Variants in DPYD observed in about 807,000 individuals in gnomAD.
DPYD encodes the protein dihydropyrimidine dehydrogenase [NADP(+)].
In DPYD, 109 loss-of-function variants were observed where a neutral mutation model predicts 116.2. That is an observed-to-expected ratio of 0.94 (90% CI 0.80 to 1.10). The LOEUF (loss-of-function observed/expected upper bound fraction) is 1.10. Among genes scored for constraint, DPYD ranks in the 50% least tolerant of loss-of-function variants. The pLI is 0.00. For missense variants in DPYD, 1,302 were observed against 1,254.5 expected (o/e 1.04, Z -0.57); for synonymous variants, 440 against 432.0 (o/e 1.02, Z -0.23).
intron 3 of DPYD, among the ~76,000 whole-genome samples, chr1:97,777,013 T>C (rs1425629789): frequency 6.6e-6 from 1 of 152,188 alleles, no homozygotes; most frequent in Non-Finnish European, 1.5e-5. Context: ...ACAAAAGTTA[T>C]ATACTCTAAG....
chr1:97,890,027 A>G (rs1373770133), intron 1 of DPYD, among the ~76,000 whole-genome samples: 2 of 152,008 alleles, frequency 1.3e-5, no homozygotes, highest in Non-Finnish European at 2.9e-5. Flanking sequence ...AATATGACAT[A>G]TTGTTGATAC....
chr1:97,321,116 A>G (rs944241783), intron 16 of DPYD, among the ~76,000 whole-genome samples: 1 of 98,944 alleles, frequency 1.0e-5, no homozygotes, highest in Admixed American at 1.3e-4. Flanking sequence ...CGTTAGACCT[A>G]AAACCATAAA....
intron 14 of DPYD, among the ~76,000 whole-genome samples, chr1:97,408,538 T>C (rs1236992051): frequency 2.6e-5 from 4 of 152,144 alleles, no homozygotes; most frequent in African/African-American, 7.2e-5. Context: ...GACCTTATTA[T>C]TGTCTTTATT....
intron 16 of DPYD, among the ~76,000 whole-genome samples, chr1:97,324,849 T>C (rs945370024): frequency 1.3e-5 from 2 of 152,078 alleles, no homozygotes; most frequent in African/African-American, 2.4e-5. Flanking sequence ...TTCTACAAGA[T>C]GGATATGTAG....
At chr1:97,752,800 T>C (rs1665005577) in intron 3 of DPYD, among the ~76,000 whole-genome samples, 1 of 152,154 alleles carries the variant, frequency 6.6e-6, no homozygotes, top group Non-Finnish European at 1.5e-5. Flanking sequence ...ATTATCACAT[T>C]GGACAGTAAC....
intron 3 of DPYD, among the ~76,000 whole-genome samples, chr1:97,746,594 G>T (rs751113429): frequency 6.6e-5 from 10 of 152,022 alleles, no homozygotes; most frequent in African/African-American, 1.7e-4. Flanking sequence ...GGATAAAGAA[G>T]AAAAAGATTA....
chr1:97,912,417 T>C (rs886679035), intron 1 of DPYD, among the ~76,000 whole-genome samples: 2 of 152,118 alleles, frequency 1.3e-5, no homozygotes, highest in African/African-American at 4.8e-5. Flanking sequence ...GACTTAAAAC[T>C]GAAGTTAATA....
At chr1:97,894,985 C>T (rs944061556) in intron 1 of DPYD, among the ~76,000 whole-genome samples, 8 of 151,616 alleles carry the variant, frequency 5.3e-5, no homozygotes, top group African/African-American at 1.9e-4. Flanking sequence ...TACAAAATCC[C>T]AAGACAGAAT....
chr1:97,335,604 T>C (rs939267606), intron 16 of DPYD, among the ~76,000 whole-genome samples: 3 of 152,170 alleles, frequency 2.0e-5, no homozygotes, highest in Non-Finnish European at 2.9e-5. Context: ...GCATTATTTG[T>C]AAAGATGTCA....
chr1:97,852,152 G>A (rs994933632), intron 2 of DPYD, among the ~76,000 whole-genome samples: 14 of 151,914 alleles, frequency 9.2e-5, no homozygotes, highest in Non-Finnish European at 1.9e-4. Flanking sequence ...ATTTCAAGTA[G>A]CTATTACCTA....
At chr1:97,872,099 G>C (rs1340484485) in intron 2 of DPYD, among the ~76,000 whole-genome samples, 2 of 151,772 alleles carry the variant, frequency 1.3e-5, no homozygotes, top group African/African-American at 4.8e-5. Context: ...ATTATCCCTA[G>C]AGCTTACTCT....
In DPYD at chr1:97,911,244, T is replaced by C. The variant is rs546549006; in HGVS notation, c.39+9640A>G. Reference sequence around the variant, plus strand: ...GATTCCCTTCTAGGATCCTATAATATTGTGATCTTAAGCATAAAGGATGCT... The same window carrying C: ...GATTCCCTTCTAGGATCCTATAATACTGTGATCTTAAGCATAAAGGATGCT... On this transcript the variant is annotated intron_variant, in intron 1 of 22. Transcript: ENST00000370192. 5.9e-5 allele frequency among the ~76,000 whole-genome samples: 9 copies of C among 152,114 alleles called. 1 individual carries two copies. The South Asian group carries it at 1.4e-3, about 24-fold the overall frequency.
intron 3 of DPYD, among the ~76,000 whole-genome samples, chr1:97,750,218 A>G (rs1046506213): frequency 6.6e-6 from 1 of 152,144 alleles, no homozygotes; most frequent in East Asian, 1.9e-4. Flanking sequence ...GAAATAATAT[A>G]TTAGTAATAG....
At chr1:97,556,439 T>C (rs1335048828) in intron 11 of DPYD, among the ~76,000 whole-genome samples, 3 of 149,842 alleles carry the variant, frequency 2.0e-5, no homozygotes, top group Non-Finnish European at 4.5e-5. Context: ...TGTGCCATGC[T>C]GGTGTGCTGC....
chr1:97,434,407 T>C (rs1443412761), intron 14 of DPYD, among the ~76,000 whole-genome samples: 1 of 152,072 alleles, frequency 6.6e-6, no homozygotes, highest in Non-Finnish European at 1.5e-5. Flanking sequence ...AGGAAAAGAA[T>C]CTCAGAGGGA....
At chr1:97,311,364 T>C (rs571139182) in intron 16 of DPYD, among the ~76,000 whole-genome samples, 26 of 151,852 alleles carry the variant, frequency 1.7e-4, no homozygotes, top group South Asian at 8.3e-4. Context: ...GCATACTTCA[T>C]TGGATTTCAT....
intron 7 of DPYD, among the ~76,000 whole-genome samples, chr1:97,683,682 C>G (rs570515968): frequency 1.3e-5 from 2 of 151,862 alleles, no homozygotes; most frequent in East Asian, 3.9e-4. Flanking sequence ...AGCCATTTCT[C>G]CTAAAGGGAA....
chr1:97,645,334 G>C (rs1296463894), intron 8 of DPYD, among the ~76,000 whole-genome samples: 1 of 152,074 alleles, frequency 6.6e-6, no homozygotes, highest in Non-Finnish European at 1.5e-5. Context: ...AGGGAGTGTT[G>C]AGTTACACTT....
chr1:97,154,750 G>A (rs961112932), intron 20 of DPYD, among the ~76,000 whole-genome samples: 2 of 151,716 alleles, frequency 1.3e-5, no homozygotes, highest in Non-Finnish European at 2.9e-5. Flanking sequence ...CTTAGGGGAA[G>A]GGGTGAGAGG....
Sources: allele counts gnomAD v4.1 joint callset (sites outside exome capture counted in the v4.1 genomes callset), GRCh38; gene constraint gnomAD v4.1.1; transcripts MANE v1.5; gene names NCBI Gene and HGNC (gene_info 2026-07-23, HGNC 2026-07-21).